PTPRT: variants seen among roughly 807,000 people sequenced by gnomAD.
The protein encoded by PTPRT is protein tyrosine phosphatase receptor type T.
A neutral mutation model predicts 176.8 loss-of-function variants in PTPRT; 56 were observed. The observed-to-expected ratio is 0.32, with a 90% CI of 0.26 to 0.40. The LOEUF (loss-of-function observed/expected upper bound fraction) is 0.40, where lower values mean the gene tolerates loss of function less well. Ranked by LOEUF, PTPRT falls within the 10% of genes least tolerant of loss-of-function variation. The probability of loss-of-function intolerance (pLI) is 1.00; values close to 1 mark genes in which losing one functional copy is unlikely to be tolerated. For missense variants in PTPRT, 1,540 were observed against 1,908.2 expected, an observed-to-expected ratio of 0.81 and a Z score of 3.60; for synonymous variants, 783 against 739.0, an observed-to-expected ratio of 1.06 and a Z score of -0.96.
intron 15 of PTPRT, among the ~76,000 whole-genome samples, chr20:42,224,061 A>G (rs1471212244): frequency 6.6e-6 from 1 of 152,158 alleles, no homozygotes; most frequent in Non-Finnish European, 1.5e-5. Context: ...CCCTCTTAGA[A>G]TGTTCTGCAC....
At chr20:42,914,219 G>C (rs979720074) in intron 1 of PTPRT, among the ~76,000 whole-genome samples, 1 of 152,168 alleles carries the variant, frequency 6.6e-6, no homozygotes, top group African/African-American at 2.4e-5. Context: ...GTATCTCCTA[G>C]AAATGACTAA....
intron 7 of PTPRT, among the ~76,000 whole-genome samples, chr20:42,594,734 C>T (rs562191569): frequency 7.6e-4 from 116 of 152,176 alleles, no homozygotes; most frequent in African/African-American, 2.4e-3. Flanking sequence ...CCAGCTCAAG[C>T]CAAGACATAT....
At chr20:42,689,231 C>T (rs1039529416) in intron 6 of PTPRT, among the ~76,000 whole-genome samples, 24 of 152,180 alleles carry the variant, frequency 1.6e-4, no homozygotes, top group Middle Eastern at 3.2e-3. Flanking sequence ...AGTGGCTGAA[C>T]GTTGGAACCA....
chr20:42,982,627 G>A (rs186715168), intron 1 of PTPRT, among the ~76,000 whole-genome samples: 89 of 151,644 alleles, frequency 5.9e-4, no homozygotes, highest in South Asian at 1.7e-3. Flanking sequence ...TAGATGGATC[G>A]AAAGGGGAGG....
At chr20:42,199,169 G>A in intron 16 of PTPRT, 71 bp downstream of exon 16, 1 of 1,536,512 alleles carries the variant, frequency 6.5e-7, no homozygotes, top group Non-Finnish European at 8.9e-7. Flanking sequence ...CAATGTGTGG[G>A]GTTCACAGCA....
intron 7 of PTPRT, among the ~76,000 whole-genome samples, chr20:42,598,635 T>A (rs1189195136): frequency 6.6e-6 from 1 of 152,156 alleles, no homozygotes; most frequent in African/African-American, 2.4e-5. Flanking sequence ...ATTTTCATAG[T>A]TTTTCAAACC....
intron 7 of PTPRT, among the ~76,000 whole-genome samples, chr20:42,674,251 A>T (rs2075460953): frequency 6.6e-6 from 1 of 152,222 alleles, no homozygotes; most frequent in Non-Finnish European, 1.5e-5. Context: ...AATGTGAATT[A>T]TTCAAGATTT....
At chr20:42,372,747 C>T (rs1170828215) in intron 9 of PTPRT, among the ~76,000 whole-genome samples, 3 of 152,116 alleles carry the variant, frequency 2.0e-5, no homozygotes, top group Admixed American at 2.0e-4. Context: ...AAAGGATTAG[C>T]GCCCTTATAA....
intron 9 of PTPRT, among the ~76,000 whole-genome samples, chr20:42,416,448 C>A (rs2059066773): frequency 6.6e-6 from 1 of 152,178 alleles, no homozygotes; most frequent in South Asian, 2.1e-4. Flanking sequence ...CAGGAAAAAA[C>A]TGTACTTCCC....
chr20:42,271,466 C>T (rs2056934273), intron 13 of PTPRT, among the ~76,000 whole-genome samples: 1 of 152,144 alleles, frequency 6.6e-6, no homozygotes, highest in Admixed American at 6.5e-5. Context: ...CAATATATCA[C>T]TGTATTAGAA....
chr20:43,165,227 C>T lies in PTPRT; in HGVS notation c.88+24419G>A, dbSNP rs192488461. On this transcript the variant is annotated intron_variant, in intron 1 of 30. Coordinates refer to ENST00000373187, the MANE Select transcript of PTPRT (RefSeq NM_007050.6). ...AGGCTGGAGTGCAATGGCGCAATGT[C>T]GGCTCACTGCAACCTCCACCTCCTG... is the stretch of plus-strand genomic sequence containing the variant. Among the ~76,000 whole-genome samples, 239 of 149,486 alleles carry T rather than the reference C, an allele frequency of 1.6e-3. 1 individual carries two copies. Among genetic ancestry groups the T allele is most frequent in the Non-Finnish European group, 2.7e-3 (183 of 67,728 alleles).
chr20:42,517,293 T>C (rs1206302982), intron 7 of PTPRT, among the ~76,000 whole-genome samples: 1 of 152,030 alleles, frequency 6.6e-6, no homozygotes, highest in Non-Finnish European at 1.5e-5. Flanking sequence ...GTTAATTCTT[T>C]AGGGTAATTA....
intron 1 of PTPRT, among the ~76,000 whole-genome samples, chr20:43,179,526 T>C (rs1169153293): frequency 6.6e-6 from 1 of 152,200 alleles, no homozygotes; most frequent in Admixed American, 6.5e-5. Flanking sequence ...AGTGTAAAAA[T>C]TGTAGTCTTA....
At chr20:42,854,440 C>A (rs935271422) in intron 2 of PTPRT, among the ~76,000 whole-genome samples, 1 of 152,288 alleles carries the variant, frequency 6.6e-6, no homozygotes, top group East Asian at 1.9e-4. Flanking sequence ...ACTTACCACA[C>A]CTGCTATCAC....
chr20:42,610,783 A>G (rs1392030713), intron 7 of PTPRT, among the ~76,000 whole-genome samples: 2 of 152,226 alleles, frequency 1.3e-5, no homozygotes, highest in Non-Finnish European at 2.9e-5. Context: ...TTATGCAGCC[A>G]TCATTGTAAG....
At chr20:43,174,789 A>C (rs2015087372) in intron 1 of PTPRT, among the ~76,000 whole-genome samples, 1 of 152,242 alleles carries the variant, frequency 6.6e-6, no homozygotes, top group Non-Finnish European at 1.5e-5. Flanking sequence ...TGGGGATTTC[A>C]AAACTTATTC....
intron 1 of PTPRT, among the ~76,000 whole-genome samples, chr20:43,104,211 G>A (rs1264301638): frequency 1.3e-5 from 2 of 152,078 alleles, no homozygotes; most frequent in African/African-American, 2.4e-5. Context: ...TCATCACCTC[G>A]AATGCAGCTC....
At chr20:43,090,096 T>C (rs1340148392) in intron 1 of PTPRT, among the ~76,000 whole-genome samples, 3 of 152,120 alleles carry the variant, frequency 2.0e-5, no homozygotes, top group Admixed American at 1.3e-4. Context: ...ATCCAAATCA[T>C]TAATGCTGGT....
At chr20:42,284,889 A>C (rs2057203330) in intron 12 of PTPRT, among the ~76,000 whole-genome samples, 1 of 151,922 alleles carries the variant, frequency 6.6e-6, no homozygotes, top group South Asian at 2.1e-4. Flanking sequence ...ATTCATATAA[A>C]ATCTTCACAC....
Sources: allele counts gnomAD v4.1 joint callset (sites outside exome capture counted in the v4.1 genomes callset), GRCh38; gene constraint gnomAD v4.1.1; transcripts MANE v1.5; gene names NCBI Gene and HGNC (gene_info 2026-07-23, HGNC 2026-07-21).